The following CRPPA variants were observed in gnomAD, a reference collection of about 807,000 sequenced individuals.
CRPPA encodes the protein D-ribitol-5-phosphate cytidylyltransferase.
A neutral mutation model predicts 52.0 loss-of-function variants in CRPPA; 43 were observed. The ratio of observed to expected loss-of-function variants is 0.83; its 90% CI spans 0.65 to 1.07. CRPPA has a LOEUF of 1.07. Among genes scored for constraint, CRPPA ranks in the 50% least tolerant of loss-of-function variants. CRPPA has a pLI of 0.00. For missense variants in CRPPA, 629 were observed against 551.7 expected (o/e 1.14, Z -1.40); for synonymous variants, 250 against 203.5 (o/e 1.23, Z -1.94).
intron 3 of CRPPA, among the ~76,000 whole-genome samples, chr7:16,317,571 T>C (rs1382296376): frequency 6.6e-6 from 1 of 152,164 alleles, no homozygotes; most frequent in Non-Finnish European, 1.5e-5. Context: ...ATTCATGTTG[T>C]TAAAAATAGT....
chr7:16,185,951 A>C (rs1781497089), intron 9 of CRPPA, among the ~76,000 whole-genome samples: 1 of 152,202 alleles, frequency 6.6e-6, no homozygotes, highest in African/African-American at 2.4e-5. Flanking sequence ...GACTGTACAT[A>C]TTCACACATC....
chr7:16,388,028 G>A (rs1787336120), intron 2 of CRPPA, among the ~76,000 whole-genome samples: 2 of 152,152 alleles, frequency 1.3e-5, no homozygotes, highest in Non-Finnish European at 1.5e-5. Context: ...TGTCCCCCCA[G>A]GCTGGAGTCC....
chr7:16,394,229 T>C (rs1377197986), intron 2 of CRPPA, among the ~76,000 whole-genome samples: 1 of 152,074 alleles, frequency 6.6e-6, no homozygotes, highest in African/African-American at 2.4e-5. Context: ...AGCAAAAAAT[T>C]AGAAAACAAA....
intron 5 of CRPPA, among the ~76,000 whole-genome samples, chr7:16,301,035 A>G (rs1784780157): frequency 6.6e-6 from 1 of 152,204 alleles, no homozygotes; most frequent in Non-Finnish European, 1.5e-5. Flanking sequence ...TGTTTCTCAC[A>G]TGGAAGATGC....
At chr7:16,382,424 A>C (rs1245765811) in intron 2 of CRPPA, among the ~76,000 whole-genome samples, 1 of 151,928 alleles carries the variant, frequency 6.6e-6, no homozygotes, top group African/African-American at 2.4e-5. Flanking sequence ...TGCCCTTAAC[A>C]TTTTTTCTTT....
rs529311725 is a variant in CRPPA, at chr7:16,352,814, G to T, written c.684+23278C>A. 5.2e-4 allele frequency among the ~76,000 whole-genome samples: 78 copies of T among 151,444 alleles called. 3 individuals are homozygous for T. In the South Asian group the frequency reaches 0.012, roughly 22 times the overall value. On this transcript the variant is annotated intron_variant, in intron 3 of 9. Coordinates refer to ENST00000407010, the MANE Select transcript of CRPPA (RefSeq NM_001101426.4). ...TGTACTCCCAAATTCACTGCAGGACGTCACATTAGCCAAGATATGGAAACA... is the reference window on the plus strand; with the variant it reads ...TGTACTCCCAAATTCACTGCAGGACTTCACATTAGCCAAGATATGGAAACA...
intron 9 of CRPPA, among the ~76,000 whole-genome samples, chr7:16,112,369 T>C (rs1583363906): frequency 6.6e-6 from 1 of 151,164 alleles, no homozygotes; most frequent in African/African-American, 2.4e-5. Flanking sequence ...AGAAACAAAA[T>C]ACCATTAGTT....
At chr7:16,308,042 G>C (rs372469310) in intron 4 of CRPPA, among the ~76,000 whole-genome samples, 32 of 152,196 alleles carry the variant, frequency 2.1e-4, no homozygotes, top group African/African-American at 7.7e-4. Context: ...CGTGGGGGCA[G>C]ATTTCCGCCT....
At chr7:16,265,370 G>T (rs1485510501) in intron 6 of CRPPA, among the ~76,000 whole-genome samples, 1 of 152,164 alleles carries the variant, frequency 6.6e-6, no homozygotes, top group East Asian at 1.9e-4. Flanking sequence ...TATCACACAA[G>T]GAAAAGGACT....
intron 2 of CRPPA, among the ~76,000 whole-genome samples, chr7:16,388,082 C>G (rs1921837): frequency 0.12 from 17,523 of 152,188 alleles, 1,121 homozygotes; most frequent in South Asian, 0.23. Context: ...CTCCTGGGCT[C>G]AAGCAACCTG....
intron 3 of CRPPA, among the ~76,000 whole-genome samples, chr7:16,355,154 C>A (rs1328153462): frequency 1.3e-5 from 2 of 152,134 alleles, no homozygotes; most frequent in Non-Finnish European, 2.9e-5. Flanking sequence ...GTATTGTAAT[C>A]CGACTAACTT....
Position 16,198,718 on chromosome 7 carries a change from C to A in CRPPA, c.1251+17348G>T, listed in dbSNP as rs554336821. Among the ~76,000 whole-genome samples, 83 of 141,754 alleles carry A rather than the reference C, an allele frequency of 5.9e-4. 2 individuals are homozygous for A. Among genetic ancestry groups the A allele is most frequent in the African/African-American group, 1.9e-3 (74 of 38,142 alleles). The allele number at this position is 141,754 out of a possible 152,430, so 93.0% of individuals were successfully genotyped here. Reference sequence around the variant, plus strand: ...TGACCGGTATGCACTCCCATACTTGCGCAGCATTTTTTTTTTTTAAGAAAC... The same window carrying A: ...TGACCGGTATGCACTCCCATACTTGAGCAGCATTTTTTTTTTTTAAGAAAC... On this transcript the variant is annotated intron_variant, in intron 9 of 9. Transcript: ENST00000407010.
At chr7:16,264,436 G>A (rs183055594) in intron 6 of CRPPA, among the ~76,000 whole-genome samples, 14 of 152,224 alleles carry the variant, frequency 9.2e-5, no homozygotes, top group East Asian at 5.8e-4. Flanking sequence ...AAGATTTACC[G>A]TAAACTAAAT....
chr7:16,314,096 G>T (rs958025017), intron 3 of CRPPA, among the ~76,000 whole-genome samples: 12 of 151,690 alleles, frequency 7.9e-5, no homozygotes, highest in Admixed American at 3.3e-4. Flanking sequence ...TGACAGAGGG[G>T]TGTTGAAGTC....
At chr7:16,257,666 G>A (rs1583471978) in intron 8 of CRPPA, among the ~76,000 whole-genome samples, 1 of 152,130 alleles carries the variant, frequency 6.6e-6, no homozygotes, top group South Asian at 2.1e-4. Flanking sequence ...TGAGCTTTAG[G>A]AACTTCGAAG....
At chr7:16,375,315 T>C (rs930976026) in intron 3 of CRPPA, among the ~76,000 whole-genome samples, 1 of 152,200 alleles carries the variant, frequency 6.6e-6, no homozygotes. Context: ...TTGCTCAAAC[T>C]TATCATCATT....
At chr7:16,420,543 T>C (rs535096952) in intron 1 of CRPPA, among the ~76,000 whole-genome samples, 1 of 152,180 alleles carries the variant, frequency 6.6e-6, no homozygotes, top group African/African-American at 2.4e-5. Flanking sequence ...CTTTCCACCA[T>C]TGAAAGGTTA....
chr7:16,352,919 A>G (rs1342210628), intron 3 of CRPPA, among the ~76,000 whole-genome samples: 1 of 128,902 alleles, frequency 7.8e-6, no homozygotes, highest in African/African-American at 2.8e-5. Context: ...ACACACACAC[A>G]CACACATTGG....
intron 5 of CRPPA, among the ~76,000 whole-genome samples, chr7:16,288,147 T>G (rs1172835660): frequency 6.6e-6 from 1 of 152,094 alleles, no homozygotes; most frequent in African/African-American, 2.4e-5. Flanking sequence ...CACCCAGACT[T>G]GGTACTTTGT....
Sources: allele counts gnomAD v4.1 joint callset (sites outside exome capture counted in the v4.1 genomes callset), GRCh38; gene constraint gnomAD v4.1.1; transcripts MANE v1.5; gene names NCBI Gene and HGNC (gene_info 2026-07-23, HGNC 2026-07-21).